The following CABP7 variants were observed in gnomAD, a reference collection of about 807,000 sequenced individuals.
CABP7 encodes the protein calcium-binding protein 7.
A neutral mutation model predicts 23.1 loss-of-function variants in CABP7; 13 were observed. The observed-to-expected ratio is 0.56, with a 90% confidence interval of 0.37 to 0.90. CABP7 has a LOEUF of 0.90. CABP7 is among the 40% of genes least tolerant of loss of function. CABP7 has a pLI of 0.01. For missense variants in CABP7, 248 were observed against 295.6 expected (o/e 0.84, Z 1.18); for synonymous variants, 123 against 115.3 (o/e 1.07, Z -0.43).
rs2067756994 is a variant in CABP7, at chr22:29,720,911, C to G, written c.109+378C>G. ...GGCCGGAGCACCCGCATCCTGATCCCCTCCGCGGCGCCCGCCCGCGGCTCT... is the reference window on the plus strand; with the variant it reads ...GGCCGGAGCACCCGCATCCTGATCCGCTCCGCGGCGCCCGCCCGCGGCTCT... On this transcript the variant is annotated intron_variant, in intron 1 of 4. Coordinates refer to ENST00000216144, the MANE Select transcript of CABP7 (RefSeq NM_182527.3). This position sits in a 1 kb window ranked among gnomAD's most constrained non-coding sequence, Gnocchi z 5.2. 6.6e-6 allele frequency among the ~76,000 whole-genome samples: 1 copy of G among 151,914 alleles called. No individual in the cohort carries two copies. The highest frequency in any genetic ancestry group is 2.4e-5 in the African/African-American group (1 of 41,402).
intron 2 of CABP7, 45 bp from the exon 3 acceptor site, chr22:29,728,585 G>T: frequency 1.6e-6 from 2 of 1,281,452 alleles, no homozygotes; most frequent in Non-Finnish European, 2.3e-6. Context: ...TGGGCTGCAG[G>T]CCTGGGCCCT....
intron 1 of CABP7, among the ~76,000 whole-genome samples, chr22:29,724,293 C>G (rs919244383): frequency 6.6e-6 from 1 of 152,186 alleles, no homozygotes; most frequent in Non-Finnish European, 1.5e-5. Flanking sequence ...AGCAGGATAG[C>G]CAGAATCCAA....
Position 29,720,516 on chromosome 22 carries a change from C to T in CABP7, c.92C>T (p.Pro31Leu), listed in dbSNP as rs2067752591. 1 of 1,549,226 alleles carries T rather than the reference C, an allele frequency of 6.5e-7. No individual in the cohort carries two copies. The highest frequency in any genetic ancestry group is 1.2e-5 in the South Asian group (1 of 85,974). Residue 31 changes from proline (P) to leucine (L), a missense_variant, in exon 1 of 5, where the codon CCG becomes CTG. Transcript: ENST00000216144. The surrounding 1 kb of genome is among the most constrained non-coding windows in gnomAD (Gnocchi z 5.2). Reference protein sequence around the residue: ...LLSEQRPVDIPEDELEEIREA... With the variant: ...LLSEQRPVDILEDELEEIREA... ...TCGGAGCAGCGCCCGGTGGACATCCCGGAGGACGAGCTGGAGGGTGAGTGT... is the reference window on the plus strand; with the variant it reads ...TCGGAGCAGCGCCCGGTGGACATCCTGGAGGACGAGCTGGAGGGTGAGTGT...
intron 1 of CABP7, among the ~76,000 whole-genome samples, chr22:29,721,496 C>CA (rs1430452852): frequency 9.9e-5 from 15 of 152,060 alleles, no homozygotes. Flanking sequence ...TCTGCTGTTG[C>CA]AAGGGGCTGA....
Position 29,720,444 on chromosome 22 carries a change from C to T in CABP7, c.20C>T (p.Thr7Met). MPFHPV[T>M]AALMYRGIYT... is the part of the protein sequence containing the mutation. Reference sequence around the variant, plus strand: ...TCCAAGATGCCGTTCCACCCGGTGACGGCGGCGTTGATGTACCGGGGCATC... The same window carrying T: ...TCCAAGATGCCGTTCCACCCGGTGATGGCGGCGTTGATGTACCGGGGCATC... Residue 7 changes from threonine to methionine, a missense_variant, in exon 1 of 5, where the codon ACG (threonine) becomes ATG (methionine). Physicochemically the swap from Thr to Met is moderately conservative, Grantham distance 81 (BLOSUM62 -1). Coordinates refer to ENST00000216144, the MANE Select transcript of CABP7 (RefSeq NM_182527.3). This position sits in a 1 kb window ranked among gnomAD's most constrained non-coding sequence, Gnocchi z 5.2. The T allele has an allele frequency of 6.5e-7, 1 of 1,549,746 alleles. No individual in the cohort carries two copies. Among genetic ancestry groups the T allele is most frequent in the Non-Finnish European group, 8.7e-7 (1 of 1,150,754 alleles).
chr22:29,725,926 G>GCCTTCTTC (rs1569330512), intron 1 of CABP7, among the ~76,000 whole-genome samples: 1 of 152,152 alleles, frequency 6.6e-6, no homozygotes, highest in East Asian at 1.9e-4. Context: ...TCTAGGGACC[G>GCCTTCTTC]GAATCCCCTC....
In CABP7 at chr22:29,729,568, A is replaced by C; in HGVS notation, c.647A>C (p.Ter216SerextTer69). Residue 216 changes from the stop codon to serine (S), a stop_lost, in exon 5 of 5, where the codon TAG becomes TCG. Coordinates refer to ENST00000216144, the MANE Select transcript of CABP7 (RefSeq NM_182527.3). ...CAGGTGCTGCGCAGTGGCATGAAGT[A>C]GACGCCACCTGGATGCCCCATCCAC... ...ANQVLRSGMK[*>S] The C allele has an allele frequency of 6.2e-7, 1 of 1,609,654 alleles. No homozygotes were observed.
chr22:29,722,268 G>C (rs1414331800), intron 1 of CABP7, among the ~76,000 whole-genome samples: 1 of 152,260 alleles, frequency 6.6e-6, no homozygotes, highest in Non-Finnish European at 1.5e-5. Context: ...GAGGCTGAGA[G>C]GCTGGCTGCA....
In CABP7 at chr22:29,731,243, G is replaced by C; in HGVS notation, c.*1674G>C. The C allele has an allele frequency of 6.6e-7, 1 of 1,510,250 alleles. No individual in the cohort carries two copies. 93.6% of individuals were successfully genotyped at this position (1,510,250 alleles called of 1,614,324 possible). On this transcript the variant is annotated 3_prime_UTR_variant, in exon 5 of 5. Transcript: ENST00000216144. ...AAGGGGCTCAGCCCCACTGGACTCT[G>C]GGCTGCAGAGGCCACCCCCCAGGTG...
intron 1 of CABP7, among the ~76,000 whole-genome samples, chr22:29,725,733 C>CT (rs1386131304): frequency 6.6e-6 from 1 of 152,202 alleles, no homozygotes; most frequent in Non-Finnish European, 1.5e-5. Flanking sequence ...GCAAAATGGG[C>CT]TGCGTGTTCA....
intron 2 of CABP7, 149 bp from the exon 3 acceptor site, chr22:29,728,481 C>T: frequency 1.7e-6 from 1 of 585,174 alleles, no homozygotes; most frequent in South Asian, 2.0e-5. Context: ...ATGCCCCTGA[C>T]ACTGACTCAA....
Position 29,729,112 on chromosome 22 carries a change from T to C in CABP7, c.424T>C (p.Cys142Arg), listed in dbSNP as rs1309261214. Residue 142 changes from cysteine (C) to arginine (R), a missense_variant, in exon 4 of 5, where the codon TGC becomes CGC. Transcript: ENST00000216144. ...GAAGCGGCTGCTCTACGACACCTTC[T>C]GCGAGCACCTGTCCATGAAGGACAT... ...ELKRLLYDTF[C>R]EHLSMKDIEN... 1.2e-6 allele frequency: 2 copies of C among 1,611,590 alleles called. No homozygotes were observed. Among genetic ancestry groups the C allele is most frequent in the Middle Eastern group, 4.5e-4 (2 of 4,464 alleles).
At chr22:29,723,924 C>T (rs1424892668) in intron 1 of CABP7, among the ~76,000 whole-genome samples, 1 of 152,196 alleles carries the variant, frequency 6.6e-6, no homozygotes, top group African/African-American at 2.4e-5. Flanking sequence ...TGATGAAACT[C>T]CACAGGTTGA....
intron 2 of CABP7, 97 bp from the exon 3 acceptor site, chr22:29,728,533 G>C (rs2067812169): frequency 1.3e-6 from 1 of 748,182 alleles, no homozygotes; most frequent in African/African-American, 1.8e-5. Flanking sequence ...CACCCGGTAG[G>C]CCCAAGGTGT....
chr22:29,729,632 C>T lies in CABP7; in HGVS notation c.*63C>T. On this transcript the variant is annotated 3_prime_UTR_variant, in exon 5 of 5. Transcript: ENST00000216144. Reference sequence around the variant, plus strand: ...CGTGGCCCGCCCCACACCACCGCCGCCTGCAGACCTCTCCCTTGGCCGGCT... The same window carrying T: ...CGTGGCCCGCCCCACACCACCGCCGTCTGCAGACCTCTCCCTTGGCCGGCT... The T allele has an allele frequency of 5.0e-6, 8 of 1,584,424 alleles. No individual in the cohort carries two copies. The highest frequency in any genetic ancestry group is 6.8e-6 in the Non-Finnish European group (8 of 1,169,820).
At position 29,727,670 on chromosome 22, in the gene CABP7, G is replaced by A; in HGVS notation, c.118G>A (p.Glu40Lys). Residue 40 changes from glutamate (E) to lysine (K), a missense_variant, in exon 2 of 5, where the codon GAG becomes AAG. Transcript: ENST00000216144. This position sits in a 1 kb window ranked among gnomAD's most constrained non-coding sequence, Gnocchi z 4.2. The part of the protein sequence containing the change: ...IPEDELEEIR[E>K]AFKVFDRDGN... Reference sequence around the variant, plus strand: ...CTCCATTCTCTCCTCAGAGATCCGAGAGGCCTTCAAGGTGTTTGACCGTGA... The same window carrying A: ...CTCCATTCTCTCCTCAGAGATCCGAAAGGCCTTCAAGGTGTTTGACCGTGA... 6.2e-7 allele frequency: 1 copy of A among 1,613,806 alleles called. No homozygotes were observed. Among genetic ancestry groups the A allele is most frequent in the Non-Finnish European group, 8.5e-7 (1 of 1,179,958 alleles).
rs1179553495 is a variant in CABP7, at chr22:29,731,183, T to C, written c.*1614T>C. 2 of 1,452,588 alleles carry C rather than the reference T, an allele frequency of 1.4e-6. No homozygotes were observed. Among genetic ancestry groups the C allele is most frequent in the Non-Finnish European group, 1.8e-6 (2 of 1,108,642 alleles). 90.0% of individuals were successfully genotyped at this position (1,452,588 alleles called of 1,614,324 possible). On this transcript the variant is annotated 3_prime_UTR_variant, in exon 5 of 5. Transcript: ENST00000216144. ...GGGCTTGGCTTCCTATTGTGACTGATGAGAAAAGTGACCACGTGGGGGTCA... is the reference window on the plus strand; with the variant it reads ...GGGCTTGGCTTCCTATTGTGACTGACGAGAAAAGTGACCACGTGGGGGTCA...
chr22:29,727,111 T>C lies in CABP7; in HGVS notation c.110-551T>C, dbSNP rs1273953747. 1.3e-5 allele frequency among the ~76,000 whole-genome samples: 2 copies of C among 152,184 alleles called. No homozygotes were observed. The highest frequency in any genetic ancestry group is 4.8e-5 in the African/African-American group (2 of 41,454). On this transcript the variant is annotated intron_variant, in intron 1 of 4. Coordinates refer to ENST00000216144, the MANE Select transcript of CABP7 (RefSeq NM_182527.3). This position sits in a 1 kb window ranked among gnomAD's most constrained non-coding sequence, Gnocchi z 4.2. ...CCTGGAGGGGGGCTCCTTCCCCCTC[T>C]GTCTTCCCTGAACCAAAAGAGGTCT...
chr22:29,726,508 C>T (rs1021795589), intron 1 of CABP7, among the ~76,000 whole-genome samples: 3 of 152,274 alleles, frequency 2.0e-5, no homozygotes, highest in Non-Finnish European at 4.4e-5. Flanking sequence ...TCTGAGCCCA[C>T]GCTGACTCTG....
Sources: gnomAD v4.1 joint callset for allele counts (sites outside exome capture counted in the v4.1 genomes callset) on GRCh38, gnomAD v4.1.1 for gene constraint, Gnocchi (gnomAD v3.1) non-coding constraint, MANE v1.5 for transcripts, NCBI Gene and HGNC (gene_info 2026-07-23, HGNC 2026-07-21) for gene names.